SPAG16: variants seen among roughly 807,000 people sequenced by gnomAD.
The protein encoded by SPAG16 is sperm associated antigen 16.
A neutral mutation model predicts 80.4 loss-of-function variants in SPAG16; 86 were observed. The observed-to-expected ratio is 1.07, with a 90% CI of 0.90 to 1.28. The LOEUF is 1.28. Among genes scored for constraint, SPAG16 ranks in the 50% most tolerant of loss-of-function variants. The pLI is 0.00. For missense variants in SPAG16, 870 were observed against 765.3 expected, an observed-to-expected ratio of 1.14 and a Z score of -1.61; for synonymous variants, 294 against 265.9, an observed-to-expected ratio of 1.11 and a Z score of -1.03.
intron 14 of SPAG16, among the ~76,000 whole-genome samples, chr2:214,115,470 A>G (rs978031098): frequency 1.3e-5 from 2 of 152,244 alleles, no homozygotes; most frequent in Admixed American, 1.3e-4. Flanking sequence ...AGTTTGGGGA[A>G]AATTCTACAA....
chr2:214,188,804 C>T (rs2057562510), intron 15 of SPAG16, among the ~76,000 whole-genome samples: 1 of 152,088 alleles, frequency 6.6e-6, no homozygotes, highest in Non-Finnish European at 1.5e-5. Flanking sequence ...TCTTAAGCAA[C>T]ACATCTATTT....
intron 9 of SPAG16, among the ~76,000 whole-genome samples, chr2:213,392,839 C>G (rs2067829648): frequency 6.6e-6 from 1 of 150,882 alleles, no homozygotes; most frequent in South Asian, 2.1e-4. Flanking sequence ...GAGCGAGACT[C>G]TGTCTCTTAA....
intron 12 of SPAG16, among the ~76,000 whole-genome samples, chr2:213,941,483 G>GAA (rs2079196943): frequency 6.6e-6 from 1 of 152,068 alleles, no homozygotes; most frequent in African/African-American, 2.4e-5. Flanking sequence ...GAGAGAGAGA[G>GAA]ATTGTTCTTG....
intron 15 of SPAG16, among the ~76,000 whole-genome samples, chr2:214,203,682 C>G (rs1171288901): frequency 2.0e-5 from 3 of 152,096 alleles, no homozygotes; most frequent in Non-Finnish European, 4.4e-5. Flanking sequence ...CTCGCGGTCC[C>G]CAGGGAAGCC....
chr2:213,450,389 G>C (rs1214305871), intron 9 of SPAG16, among the ~76,000 whole-genome samples: 1 of 152,158 alleles, frequency 6.6e-6, no homozygotes, highest in Non-Finnish European at 1.5e-5. Flanking sequence ...TGTAATCAAT[G>C]CCTAAGCTTT....
intron 15 of SPAG16, among the ~76,000 whole-genome samples, chr2:214,380,296 A>AAAATGTTTGTTAGC (rs1700373378): frequency 6.6e-6 from 1 of 152,232 alleles, no homozygotes; most frequent in Admixed American, 6.5e-5. Flanking sequence ...CAGGTTTTGC[A>AAAATGTTTGTTAGC]AAATGTTTGT....
At chr2:214,160,429 T>A (rs1328161948) in intron 15 of SPAG16, among the ~76,000 whole-genome samples, 1 of 152,014 alleles carries the variant, frequency 6.6e-6, no homozygotes, top group Non-Finnish European at 1.5e-5. Context: ...TCCTTCTACT[T>A]CTTTTGCTGT....
chr2:214,012,224 A>G (rs1482743870), intron 12 of SPAG16, among the ~76,000 whole-genome samples: 2 of 141,432 alleles, frequency 1.4e-5, no homozygotes, highest in African/African-American at 2.6e-5. Flanking sequence ...ATATGTATAT[A>G]TATACTTACT....
chr2:213,593,375 A>T (rs2060774171), intron 10 of SPAG16, among the ~76,000 whole-genome samples: 1 of 152,182 alleles, frequency 6.6e-6, no homozygotes, highest in Non-Finnish European at 1.5e-5. Flanking sequence ...GATTTGGAAA[A>T]TGCTTTTATC....
chr2:213,775,981 G>T (rs997308422), intron 10 of SPAG16, among the ~76,000 whole-genome samples: 32 of 152,208 alleles, frequency 2.1e-4, no homozygotes, highest in Non-Finnish European at 7.3e-5. Context: ...TCCAAGGGTT[G>T]TGTATTTGCC....
chr2:213,378,362 T>C (rs1003134522), intron 9 of SPAG16, among the ~76,000 whole-genome samples: 3 of 152,136 alleles, frequency 2.0e-5, no homozygotes, highest in Admixed American at 1.3e-4. Context: ...CTTGAACCCA[T>C]ACATATCTGC....
chr2:213,762,721 T>A (rs920197728), intron 10 of SPAG16, among the ~76,000 whole-genome samples: 4 of 152,298 alleles, frequency 2.6e-5, no homozygotes, highest in Admixed American at 2.0e-4. Flanking sequence ...ACATTTGTCT[T>A]GGCAATGATT....
intron 10 of SPAG16, among the ~76,000 whole-genome samples, chr2:213,743,332 G>A (rs1412586412): frequency 1.3e-5 from 2 of 152,096 alleles, no homozygotes. Flanking sequence ...GGCCCCTATA[G>A]GAAGCACCAA....
chr2:213,349,714 C>T (rs1454384265), intron 6 of SPAG16, among the ~76,000 whole-genome samples: 2 of 151,932 alleles, frequency 1.3e-5, no homozygotes, highest in East Asian at 3.8e-4. Flanking sequence ...ATACTACTCA[C>T]AGTAAAAAGG....
intron 10 of SPAG16, among the ~76,000 whole-genome samples, chr2:213,833,539 A>ATATATT (rs1259909122): frequency 0.077 from 58 of 754 alleles, 10 homozygotes; most frequent in South Asian, 0.3. Context: ...TATTATATAT[A>ATATATT]ATATATATAA....
At chr2:214,242,876 C>A (rs755971426) in intron 15 of SPAG16, among the ~76,000 whole-genome samples, 5 of 152,238 alleles carry the variant, frequency 3.3e-5, no homozygotes, top group Admixed American at 1.3e-4. Flanking sequence ...ACTTGGGTAG[C>A]TGCAGCCCTA....
chr2:214,038,133 T>C (rs1377645730), intron 13 of SPAG16, among the ~76,000 whole-genome samples: 1 of 152,172 alleles, frequency 6.6e-6, no homozygotes, highest in Non-Finnish European at 1.5e-5. Context: ...TTGCTGTGTT[T>C]CTCTATACAA....
At chr2:214,112,351 A>T (rs573413465) in intron 14 of SPAG16, among the ~76,000 whole-genome samples, 5 of 152,196 alleles carry the variant, frequency 3.3e-5, no homozygotes, top group Admixed American at 3.3e-4. Context: ...GCTGAGTTCA[A>T]GTCCTGGATA....
At chr2:214,001,092 C>T (rs2046769783) in intron 12 of SPAG16, among the ~76,000 whole-genome samples, 1 of 152,186 alleles carries the variant, frequency 6.6e-6, no homozygotes, top group African/African-American at 2.4e-5. Context: ...TACATGTGAA[C>T]ATATTGCATT....
Sources: allele counts gnomAD v4.1 joint callset (sites outside exome capture counted in the v4.1 genomes callset), GRCh38; gene constraint gnomAD v4.1.1; transcripts MANE v1.5; gene names NCBI Gene and HGNC (gene_info 2026-07-23, HGNC 2026-07-21).